Variants in UGT1A5 observed in about 807,000 individuals in gnomAD.
UGT1A5 encodes UDP-glucuronosyltransferase 1A5.
Under a neutral mutation model 40.3 loss-of-function variants are expected in UGT1A5, and 29 were observed. The observed-to-expected ratio is 0.72, with a 90% CI of 0.54 to 0.98. The LOEUF (loss-of-function observed/expected upper bound fraction) is 0.98, where lower values mean the gene tolerates loss of function less well. Ranked by LOEUF, UGT1A5 falls within the 50% of genes least tolerant of loss-of-function variation. The pLI, the probability that UGT1A5 is intolerant of heterozygous loss-of-function variation, is 0.00. For missense variants in UGT1A5, 678 were observed against 677.9 expected (o/e 1.00, Z 0.00); for synonymous variants, 257 against 262.5 (o/e 0.98, Z 0.20).
chr2:233,756,961 G>A (rs1696368025), intron 1 of UGT1A5, among the ~76,000 whole-genome samples: 1 of 151,950 alleles, frequency 6.6e-6, no homozygotes, highest in Admixed American at 6.6e-5. Context: ...CTTGGCACTT[G>A]GTAAGCACGC....
At chr2:233,717,803 A>G (rs1343545824) in intron 1 of UGT1A5, 2 of 456,012 alleles carry the variant, frequency 4.4e-6, no homozygotes, top group South Asian at 3.1e-5. Flanking sequence ...TAGTGCCCCC[A>G]CAAATTATGC....
At chr2:233,724,116 G>A (rs1387797895) in intron 1 of UGT1A5, among the ~76,000 whole-genome samples, 1 of 116,526 alleles carries the variant, frequency 8.6e-6, no homozygotes, top group Non-Finnish European at 1.7e-5. Flanking sequence ...GCCGGGCAGA[G>A]GCGCCCCTCA....
At chr2:233,754,470 A>G in intron 1 of UGT1A5, 2 of 357,144 alleles carry the variant, frequency 5.6e-6, no homozygotes, top group South Asian at 2.2e-5. Context: ...TTCTGAAAGT[A>G]AAGTTCACTT....
At chr2:233,715,538 G>A (rs1209390952) in intron 1 of UGT1A5, among the ~76,000 whole-genome samples, 6 of 152,096 alleles carry the variant, frequency 3.9e-5, no homozygotes, top group South Asian at 2.1e-4. Flanking sequence ...TTGGGAGACC[G>A]AGGGAGGAGG....
At chr2:233,771,851 A>G (rs982853189) in intron 4 of UGT1A5, among the ~76,000 whole-genome samples, 2 of 135,436 alleles carry the variant, frequency 1.5e-5, no homozygotes, top group Non-Finnish European at 3.0e-5. Context: ...CTTCTTTTTC[A>G]AGAGATCAAT....
intron 1 of UGT1A5, chr2:233,747,330 C>A (rs896598113): frequency 4.4e-6 from 7 of 1,603,408 alleles, no homozygotes; most frequent in Non-Finnish European, 6.0e-6. Context: ...TTGATGGCAG[C>A]CACTGGCTCG....
intron 1 of UGT1A5, among the ~76,000 whole-genome samples, chr2:233,745,781 C>T (rs1693207389): frequency 6.7e-6 from 1 of 150,162 alleles, no homozygotes; most frequent in Non-Finnish European, 1.5e-5. Context: ...TGAGCTTAGA[C>T]AGGGGGGCTG....
intron 1 of UGT1A5, chr2:233,752,621 T>A (rs1428833052): frequency 3.3e-5 from 5 of 152,162 alleles, no homozygotes; most frequent in Admixed American, 3.3e-4. Context: ...TAGCTAGGTG[T>A]GGTAGCTGTT....
chr2:233,725,210 A>C (rs1180169749), intron 1 of UGT1A5, among the ~76,000 whole-genome samples: 3 of 88,436 alleles, frequency 3.4e-5, no homozygotes, highest in African/African-American at 2.8e-4. Flanking sequence ...AGGCAGAGGC[A>C]GAGGCAGAGG....
At position 233,769,556 on chromosome 2, in the gene UGT1A5, A is replaced by G. The variant is rs1699895169; in HGVS notation, c.1307+1117A>G. 6.2e-7 allele frequency: 1 copy of G among 1,612,744 alleles called. No individual in the cohort carries two copies. Among genetic ancestry groups the G allele is most frequent in the African/African-American group, 1.3e-5 (1 of 74,934 alleles). On this transcript the variant is annotated intron_variant, in intron 4 of 4. Transcript: ENST00000373414. The surrounding 1 kb of genome is among the most constrained non-coding windows in gnomAD (Gnocchi z 4.4). ...AAAGAAGCAGCAGTCAGGAAGACAG[A>G]TGTGAAGAGCTGGAGCATGTTCAGA...
chr2:233,747,249 G>T, intron 1 of UGT1A5: 1 of 1,600,822 alleles, frequency 6.2e-7, no homozygotes, highest in Non-Finnish European at 8.5e-7. Context: ...TGCTGTGGCT[G>T]GCCACAGGAG....
At chr2:233,746,034 G>A (rs1246019624) in intron 1 of UGT1A5, among the ~76,000 whole-genome samples, 1 of 151,740 alleles carries the variant, frequency 6.6e-6, no homozygotes, top group East Asian at 1.9e-4. Flanking sequence ...GCACTTACTT[G>A]CTGGCTTGGA....
chr2:233,735,091 A>T (rs4477910), intron 1 of UGT1A5, among the ~76,000 whole-genome samples: 69,276 of 151,834 alleles, frequency 0.46, 17,201 homozygotes, highest in African/African-American at 0.66. Context: ...GTCTTGTTGA[A>T]CTGTCTAATA....
intron 1 of UGT1A5, chr2:233,748,124 G>C (rs1575688214): frequency 9.9e-6 from 16 of 1,610,630 alleles, no homozygotes; most frequent in Non-Finnish European, 1.3e-5. Flanking sequence ...AGGCAAAACA[G>C]TTTTTAAAAA....
In UGT1A5 at chr2:233,744,010, C is replaced by A; in HGVS notation, c.868-23024C>A. 3.5e-6 allele frequency: 4 copies of A among 1,130,890 alleles called. No individual in the cohort carries two copies. In the South Asian group the frequency reaches 4.3e-5, roughly 12 times the overall value. 70.1% of individuals were successfully genotyped at this position (1,130,890 alleles called of 1,614,324 possible). On this transcript the variant is annotated intron_variant, in intron 1 of 4. Transcript: ENST00000373414. ...AGGCCCGAGTGCTCGGAGACCTGGG[C>A]CGCCTGGAGAGACGCCCCTTATGAC...
chr2:233,764,333 T>C (rs1001712287), intron 1 of UGT1A5, among the ~76,000 whole-genome samples: 8 of 152,206 alleles, frequency 5.3e-5, no homozygotes, highest in African/African-American at 1.9e-4. Flanking sequence ...AAGTAGGGGA[T>C]GGACTTCACC....
In UGT1A5 at chr2:233,768,328, T is replaced by C. The variant is rs755527328; in HGVS notation, c.1196T>C (p.Met399Thr). The C allele has an allele frequency of 1.9e-6, 3 of 1,614,176 alleles. No homozygotes were observed. The highest frequency in any genetic ancestry group is 2.5e-6 in the Non-Finnish European group (3 of 1,180,040). ...ATGATGCCCTTGTTTGGTGATCAGATGGACAATGCAAAGCGCATGGAGACT... is the reference window on the plus strand; with the variant it reads ...ATGATGCCCTTGTTTGGTGATCAGACGGACAATGCAAAGCGCATGGAGACT... ...MVMMPLFGDQMDNAKRMETKG... is the reference protein window; with the variant it reads ...MVMMPLFGDQTDNAKRMETKG... The change falls in exon 4 of 5, where the codon ATG becomes ACG. Residue 399 changes from methionine (M) to threonine (T), a missense_variant. By Grantham distance (81) the Met-to-Thr change is moderately conservative. Transcript: ENST00000373414.
chr2:233,769,618 G>A lies in UGT1A5; in HGVS notation c.1307+1179G>A. ...GGAACACGGGGACACACCAGCTTGA[G>A]CAAGGGACAACAGGGGAGGACTGAT... On this transcript the variant is annotated intron_variant, in intron 4 of 4. Coordinates refer to ENST00000373414, the MANE Select transcript of UGT1A5 (RefSeq NM_019078.2). This position sits in a 1 kb window ranked among gnomAD's most constrained non-coding sequence, Gnocchi z 4.4. The A allele has an allele frequency of 1.9e-6, 3 of 1,612,672 alleles. No individual in the cohort carries two copies. Among genetic ancestry groups the A allele is most frequent in the Non-Finnish European group, 2.5e-6 (3 of 1,179,802 alleles).
In UGT1A5 at chr2:233,772,670, A is replaced by T; in HGVS notation, c.*111A>T. 1 of 1,536,688 alleles carries T rather than the reference A, an allele frequency of 6.5e-7. No homozygotes were observed. Among genetic ancestry groups the T allele is most frequent in the Admixed American group, 2.0e-5 (1 of 50,138 alleles). ...TATTCTTATTAAGGAAATACTTTGC[A>T]TAAATTAATCAGCCCCAGAGTGCTT... On this transcript the variant is annotated 3_prime_UTR_variant, in exon 5 of 5. Transcript: ENST00000373414.
Sources: gnomAD v4.1 joint callset for allele counts (sites outside exome capture counted in the v4.1 genomes callset) on GRCh38, gnomAD v4.1.1 for gene constraint, Gnocchi (gnomAD v3.1) non-coding constraint, MANE v1.5 for transcripts, NCBI Gene and HGNC (gene_info 2026-07-23, HGNC 2026-07-21) for gene names.